LRRC7: variants seen among roughly 807,000 people sequenced by gnomAD.
LRRC7 encodes leucine rich repeat containing 7.
In LRRC7, 23 loss-of-function variants were observed where a neutral mutation model predicts 175.7. That is an observed-to-expected ratio of 0.13 (90% CI 0.09 to 0.19). The LOEUF is 0.19. Among genes scored for constraint, LRRC7 ranks in the 10% least tolerant of loss-of-function variants. The probability of loss-of-function intolerance (pLI) is 1.00; values close to 1 mark genes in which losing one functional copy is unlikely to be tolerated. For missense variants in LRRC7, 1,354 were observed against 1,904.7 expected (o/e 0.71, Z 5.38); for synonymous variants, 685 against 680.9 (o/e 1.01, Z -0.09).
chr1:69,888,513 G>T (rs967592016), intron 7 of LRRC7, among the ~76,000 whole-genome samples: 1 of 152,012 alleles, frequency 6.6e-6, no homozygotes, highest in African/African-American at 2.4e-5. Context: ...TGCACCCACT[G>T]TCTGGCACTC....
chr1:70,079,671 A>G (rs1386034087), intron 24 of LRRC7, among the ~76,000 whole-genome samples: 2 of 152,174 alleles, frequency 1.3e-5, no homozygotes, highest in African/African-American at 2.4e-5. Context: ...AGCACGTGCT[A>G]TGTGTTTTAC....
chr1:69,976,252 A>G (rs1652807782), intron 8 of LRRC7, among the ~76,000 whole-genome samples: 1 of 152,192 alleles, frequency 6.6e-6, no homozygotes, highest in Admixed American at 6.5e-5. Flanking sequence ...GCTGAGGCAC[A>G]AGGAAGCCAG....
At chr1:69,738,634 C>A (rs1470021027) in intron 2 of LRRC7, among the ~76,000 whole-genome samples, 3 of 151,864 alleles carry the variant, frequency 2.0e-5, no homozygotes, top group Non-Finnish European at 4.4e-5. Context: ...CTGAATAATA[C>A]CCCTTTGAGA....
intron 7 of LRRC7, among the ~76,000 whole-genome samples, chr1:69,883,396 G>T: frequency 8.2e-6 from 1 of 122,618 alleles, no homozygotes; most frequent in East Asian, 2.8e-4. Flanking sequence ...GTGTTTTTTG[G>T]CTGCATAAAT....
At chr1:69,622,438 C>G (rs1353039687) in intron 1 of LRRC7, among the ~76,000 whole-genome samples, 1 of 152,132 alleles carries the variant, frequency 6.6e-6, no homozygotes, top group African/African-American at 2.4e-5. Flanking sequence ...TTCTAAGAGT[C>G]TGGAGATAAT....
At chr1:69,695,449 A>G (rs1662452693) in intron 2 of LRRC7, among the ~76,000 whole-genome samples, 1 of 152,240 alleles carries the variant, frequency 6.6e-6, no homozygotes, top group Non-Finnish European at 1.5e-5. Context: ...GAAAATTCAC[A>G]GCCTGGCCAT....
chr1:69,916,733 G>A (rs1009142043), intron 7 of LRRC7, among the ~76,000 whole-genome samples: 3 of 151,880 alleles, frequency 2.0e-5, no homozygotes, highest in African/African-American at 7.3e-5. Context: ...TCATTTAACC[G>A]TCACTGGTTG....
chr1:70,029,992 C>T (rs147249616), intron 18 of LRRC7, among the ~76,000 whole-genome samples: 14 of 152,236 alleles, frequency 9.2e-5, no homozygotes, highest in Non-Finnish European at 4.4e-5. Context: ...AGTAGAAATT[C>T]GAGAGATGTC....
At chr1:69,959,443 T>C (rs1476077053) in intron 8 of LRRC7, among the ~76,000 whole-genome samples, 5 of 152,138 alleles carry the variant, frequency 3.3e-5, no homozygotes, top group African/African-American at 4.8e-5. Flanking sequence ...ACTGAAAGTA[T>C]AGGAGGTGAT....
intron 18 of LRRC7, among the ~76,000 whole-genome samples, chr1:70,029,007 AT>A (rs1269578027): frequency 1.3e-5 from 2 of 152,080 alleles, no homozygotes; most frequent in African/African-American, 4.8e-5. Context: ...TGGTTATCAT[AT>A]TTTTATCTTC....
chr1:69,751,712 A>C (rs1669865822), intron 2 of LRRC7, among the ~76,000 whole-genome samples: 1 of 152,128 alleles, frequency 6.6e-6, no homozygotes, highest in Non-Finnish European at 1.5e-5. Flanking sequence ...TCATAGAAAG[A>C]AGCTCTTTGA....
intron 7 of LRRC7, among the ~76,000 whole-genome samples, chr1:69,885,402 G>T (rs1442800579): frequency 1.4e-5 from 2 of 145,154 alleles, no homozygotes; most frequent in South Asian, 4.4e-4. Context: ...GTTTATTTGC[G>T]TAGAGGTGTT....
chr1:69,731,884 A>C (rs2100820479), intron 2 of LRRC7, among the ~76,000 whole-genome samples: 1 of 152,296 alleles, frequency 6.6e-6, no homozygotes, highest in South Asian at 2.1e-4. Flanking sequence ...ATTAGTGAGA[A>C]GTTATCTGGG....
intron 11 of LRRC7, among the ~76,000 whole-genome samples, chr1:69,995,918 C>T (rs1654912195): frequency 6.7e-6 from 1 of 150,024 alleles, no homozygotes; most frequent in Admixed American, 6.6e-5. Flanking sequence ...GGTATATACC[C>T]AGTAATGGGA....
At chr1:70,084,434 C>A (rs952959296) in intron 24 of LRRC7, among the ~76,000 whole-genome samples, 1 of 152,104 alleles carries the variant, frequency 6.6e-6, no homozygotes. Context: ...TTGTGATTTG[C>A]TCCTTTCACT....
intron 25 of LRRC7, among the ~76,000 whole-genome samples, chr1:70,093,526 G>A (rs1172997795): frequency 1.1e-4 from 16 of 152,104 alleles, no homozygotes; most frequent in African/African-American, 3.9e-4. Flanking sequence ...ATCTGCAAAT[G>A]TCACTTAGCA....
chr1:69,589,355 C>G (rs1183676072), intron 1 of LRRC7, among the ~76,000 whole-genome samples: 2 of 152,116 alleles, frequency 1.3e-5, no homozygotes, highest in Non-Finnish European at 2.9e-5. Context: ...ATGTTCTTAT[C>G]TGAACTCTCC....
At chr1:70,005,433 C>A (rs931801833) in intron 11 of LRRC7, among the ~76,000 whole-genome samples, 2 of 152,134 alleles carry the variant, frequency 1.3e-5, no homozygotes, top group Admixed American at 1.3e-4. Context: ...TATTCACAAT[C>A]TTTCTTCCCT....
intron 3 of LRRC7, among the ~76,000 whole-genome samples, chr1:69,760,898 T>C (rs754824967): frequency 1.3e-5 from 2 of 152,034 alleles, no homozygotes; most frequent in Non-Finnish European, 2.9e-5. Context: ...GCACTGGATG[T>C]ATGTGGCATA....
Sources: gnomAD v4.1 joint callset for allele counts (sites outside exome capture counted in the v4.1 genomes callset) on GRCh38, gnomAD v4.1.1 for gene constraint, MANE v1.5 for transcripts, NCBI Gene and HGNC (gene_info 2026-07-23, HGNC 2026-07-21) for gene names.